GID4: variants seen among roughly 807,000 people sequenced by gnomAD.
GID4 encodes glucose-induced degradation protein 4 homolog.
GID4 carries 7 observed loss-of-function variants against 32.4 expected under a neutral mutation model. That is an observed-to-expected ratio of 0.22 (90% confidence interval 0.12 to 0.41). GID4 has a LOEUF of 0.41. Among genes scored for constraint, GID4 ranks in the 10% least tolerant of loss-of-function variants. GID4 has a pLI of 1.00. For missense variants in GID4, 309 were observed against 400.0 expected, an observed-to-expected ratio of 0.77 and a Z score of 1.94; for synonymous variants, 166 against 170.0, an observed-to-expected ratio of 0.98 and a Z score of 0.18.
chr17:18,060,646 A>G (rs1311628276), intron 4 of GID4, among the ~76,000 whole-genome samples: 12 of 151,346 alleles, frequency 7.9e-5, no homozygotes, highest in Admixed American at 7.9e-4. Flanking sequence ...TCCGTCTCCC[A>G]GGTTCAAGCA....
chr17:18,039,444 T>G lies in GID4; in HGVS notation c.-21T>G. The G allele has an allele frequency of 7.3e-7, 1 of 1,378,768 alleles. No individual in the cohort carries two copies. The highest frequency in any genetic ancestry group is 1.5e-5 in the African/African-American group (1 of 67,764). The allele number at this position is 1,378,768 out of a possible 1,614,324, so 85.4% of individuals were successfully genotyped here. A position where few individuals can be genotyped will look rare whatever the true frequency, so the allele number is the denominator to read the frequency against. On this transcript the variant is annotated 5_prime_UTR_variant, in exon 1 of 6. Transcript: ENST00000268719. The surrounding 1 kb of genome is among the most constrained non-coding windows in gnomAD (Gnocchi z 5.3). ...TGTGTGTGTTTGTGTGTTGTGTGTCTGTGAGTGTCTGTGTGTGTGTATGTG... is the reference window on the plus strand; with the variant it reads ...TGTGTGTGTTTGTGTGTTGTGTGTCGGTGAGTGTCTGTGTGTGTGTATGTG...
At chr17:18,052,757 C>T (rs997499385) in intron 2 of GID4, among the ~76,000 whole-genome samples, 6 of 152,184 alleles carry the variant, frequency 3.9e-5, no homozygotes, top group Admixed American at 3.3e-4. Context: ...GCACCCAAGC[C>T]AGCACATGGC....
At chr17:18,057,655 A>G (rs146991376) in intron 3 of GID4, among the ~76,000 whole-genome samples, 4 of 152,292 alleles carry the variant, frequency 2.6e-5, no homozygotes, top group Non-Finnish European at 5.9e-5. Context: ...TACAGTGTAT[A>G]CTTGTTTTTT....
chr17:18,043,724 T>A (rs2044824595), intron 1 of GID4, among the ~76,000 whole-genome samples: 1 of 152,244 alleles, frequency 6.6e-6, no homozygotes, highest in Non-Finnish European at 1.5e-5. Flanking sequence ...GGCTTAGTAT[T>A]TGATTTATGG....
chr17:18,047,809 A>T (rs2044869714), intron 2 of GID4, among the ~76,000 whole-genome samples: 1 of 152,140 alleles, frequency 6.6e-6, no homozygotes, highest in African/African-American at 2.4e-5. Flanking sequence ...TAGTAGCTTT[A>T]TTGAGATAAT....
At chr17:18,054,352 A>G in intron 3 of GID4, 118 bp downstream of exon 3, 1 of 607,200 alleles carries the variant, frequency 1.6e-6, no homozygotes, top group South Asian at 2.3e-5. Context: ...ACCAAGTAAA[A>G]GGTTGCACTG....
intron 1 of GID4, among the ~76,000 whole-genome samples, chr17:18,043,842 A>C (rs1285825399): frequency 6.6e-6 from 1 of 152,248 alleles, no homozygotes; most frequent in Non-Finnish European, 1.5e-5. Context: ...TACCACAGGT[A>C]CCCTTGTACT....
In GID4 at chr17:18,039,894, G is replaced by C; in HGVS notation, c.430G>C (p.Val144Leu). 7.0e-7 allele frequency: 1 copy of C among 1,429,264 alleles called. No homozygotes were observed. Among genetic ancestry groups the C allele is most frequent in the East Asian group, 2.8e-5 (1 of 35,976 alleles). 88.5% of individuals were successfully genotyped at this position (1,429,264 alleles called of 1,614,324 possible). ...GGGGAACTCGTACGACGTAGAGGTG[G>C]TGCTGCAGGTGAGCGCCGGGCCGGG... The part of the protein sequence containing the change: ...SKGNSYDVEV[V>L]LQHVDTGNSY... The change falls in exon 1 of 6, where the codon GTG becomes CTG. Residue 144 changes from valine (V) to leucine (L), a missense_variant. By Grantham distance (32) the Val-to-Leu change is conservative. This residue lies in a region of GID4 where 116 missense variants were observed against 214.2 expected (regional missense o/e 0.54). Coordinates refer to ENST00000268719, the MANE Select transcript of GID4 (RefSeq NM_024052.5). This position sits in a 1 kb window ranked among gnomAD's most constrained non-coding sequence, Gnocchi z 5.3.
chr17:18,050,765 G>C (rs2044901925), intron 2 of GID4, among the ~76,000 whole-genome samples: 1 of 152,240 alleles, frequency 6.6e-6, no homozygotes, highest in African/African-American at 2.4e-5. Flanking sequence ...CCTGGAATCA[G>C]TGGGAGGATT....
intron 2 of GID4, among the ~76,000 whole-genome samples, chr17:18,048,993 G>C (rs1408185432): frequency 6.6e-6 from 1 of 151,766 alleles, no homozygotes; most frequent in East Asian, 1.9e-4. Flanking sequence ...TTGGGTTTTA[G>C]TCATAGTAGT....
chr17:18,063,066 A>G (rs1232553841), intron 5 of GID4, among the ~76,000 whole-genome samples: 2 of 128,996 alleles, frequency 1.6e-5, no homozygotes, highest in African/African-American at 3.0e-5. Context: ...AGAGCGAGAC[A>G]CCATCTCAAA....
chr17:18,045,676 C>G (rs982292784), intron 2 of GID4, among the ~76,000 whole-genome samples: 1 of 151,636 alleles, frequency 6.6e-6, no homozygotes, highest in Non-Finnish European at 1.5e-5. Flanking sequence ...GTGCAGATCA[C>G]TTGAGGTAGG....
chr17:18,039,921 C>A lies in GID4; in HGVS notation c.438+19C>A. On this transcript the variant is annotated intron_variant, in intron 1 of 5. Coordinates refer to ENST00000268719, the MANE Select transcript of GID4 (RefSeq NM_024052.5). The surrounding 1 kb of genome is among the most constrained non-coding windows in gnomAD (Gnocchi z 5.3). ...GCTGCAGGTGAGCGCCGGGCCGGGCCGGGGCCCGAGGGCCTCCTCGCGGCG... is the reference window on the plus strand; with the variant it reads ...GCTGCAGGTGAGCGCCGGGCCGGGCAGGGGCCCGAGGGCCTCCTCGCGGCG... 7.3e-7 allele frequency: 1 copy of A among 1,361,076 alleles called. No individual in the cohort carries two copies. The highest frequency in any genetic ancestry group is 9.5e-7 in the Non-Finnish European group (1 of 1,048,802). The allele number at this position is 1,361,076 out of a possible 1,614,324, so 84.3% of individuals were successfully genotyped here.
chr17:18,062,307 G>A (rs937648483), intron 5 of GID4: 2 of 274,572 alleles, frequency 7.3e-6, no homozygotes, highest in Admixed American at 8.9e-5. Flanking sequence ...ACTAAAATGT[G>A]AATTGATCCA....
At chr17:18,040,256 A>G (rs1016546483) in intron 1 of GID4, among the ~76,000 whole-genome samples, 1 of 152,110 alleles carries the variant, frequency 6.6e-6, no homozygotes, top group African/African-American at 2.4e-5. Flanking sequence ...AGGGACTGCC[A>G]CCAGCCCTTT....
At position 18,053,430 on chromosome 17, in the gene GID4, TG is replaced by T. The variant is rs2044933921; in HGVS notation, c.499-695del. Among the ~76,000 whole-genome samples the T allele has an allele frequency of 1.3e-5, 2 of 151,660 alleles. 1 individual carries two copies. The highest frequency in any genetic ancestry group is 4.2e-4 in the South Asian group (2 of 4,802). Reference sequence around the variant, plus strand: ...GAGTTCGAGACCAGCCTGGCCAACATGGCGAAACCCCGTCTCTACTAAAAAT... The same window carrying T: ...GAGTTCGAGACCAGCCTGGCCAACATGCGAAACCCCGTCTCTACTAAAAAT... On this transcript the variant is annotated intron_variant, in intron 2 of 5. Coordinates refer to ENST00000268719, the MANE Select transcript of GID4 (RefSeq NM_024052.5).
At chr17:18,062,025 G>A in intron 5 of GID4, 50 bp downstream of exon 5, 1 of 1,596,856 alleles carries the variant, frequency 6.3e-7, no homozygotes, top group Non-Finnish European at 8.5e-7. Flanking sequence ...CTGCCCAGCT[G>A]GCTCTCCCTT....
chr17:18,045,073 T>A, intron 1 of GID4, 74 bp from the exon 2 acceptor site: 2 of 1,184,388 alleles, frequency 1.7e-6, no homozygotes, highest in Admixed American at 1.8e-5. Context: ...CTCACAGGAT[T>A]TGCAGAGTAC....
intron 2 of GID4, among the ~76,000 whole-genome samples, chr17:18,048,414 G>A (rs745540579): frequency 6.6e-5 from 10 of 152,102 alleles, no homozygotes; most frequent in Admixed American, 1.3e-4. Context: ...GACTGGTCTC[G>A]AACTCCTGAC....
Sources: allele counts gnomAD v4.1 joint callset (sites outside exome capture counted in the v4.1 genomes callset), GRCh38; gene constraint gnomAD v4.1.1; regional missense constraint gnomAD v4.1.1; non-coding constraint Gnocchi (gnomAD v3.1); transcripts MANE v1.5; gene names NCBI Gene and HGNC (gene_info 2026-07-23, HGNC 2026-07-21).